The following PDE1C variants were observed in gnomAD, a reference collection of about 807,000 sequenced individuals.
PDE1C encodes phosphodiesterase 1C.
In PDE1C, 62 loss-of-function variants were observed where a neutral mutation model predicts 93.1. The observed-to-expected ratio is 0.67, with a 90% CI of 0.54 to 0.82. PDE1C has a LOEUF of 0.82. Ranked by LOEUF, PDE1C falls within the 40% of genes least tolerant of loss-of-function variation. PDE1C has a pLI of 0.00. For synonymous variants in PDE1C, 325 were observed against 310.1 expected (o/e 1.05, Z -0.50); for missense variants, 742 against 884.6 (o/e 0.84, Z 2.04).
intron 1 of PDE1C, among the ~76,000 whole-genome samples, chr7:32,264,776 A>C (rs985359104): frequency 6.6e-6 from 1 of 152,138 alleles, no homozygotes; most frequent in Non-Finnish European, 1.5e-5. Flanking sequence ...ATGCCTCCAC[A>C]TTGTCTGAGC....
chr7:32,298,015 TCC>T (rs1562660311), intron 1 of PDE1C, among the ~76,000 whole-genome samples: 1,655 of 26,804 alleles, frequency 0.062, 196 homozygotes, highest in East Asian at 0.14. Flanking sequence ...TCTCTCTCTC[TCC>T]CTCTCTCTCT....
intron 3 of PDE1C, among the ~76,000 whole-genome samples, chr7:32,144,107 G>A (rs1198977864): frequency 6.6e-6 from 1 of 152,146 alleles, no homozygotes; most frequent in Non-Finnish European, 1.5e-5. Flanking sequence ...TAGTGTTTCA[G>A]ACTCTTGATT....
chr7:32,117,607 A>T (rs1208027135), intron 3 of PDE1C, among the ~76,000 whole-genome samples: 1 of 152,228 alleles, frequency 6.6e-6, no homozygotes, highest in Non-Finnish European at 1.5e-5. Flanking sequence ...ACATACACAT[A>T]TACACATGTG....
chr7:31,862,624 G>A (rs921256501), intron 7 of PDE1C, among the ~76,000 whole-genome samples: 1 of 152,094 alleles, frequency 6.6e-6, no homozygotes, highest in African/African-American at 2.4e-5. Context: ...TTTTATAAAG[G>A]CACTAATCCC....
chr7:32,217,075 G>A (rs1367933668), intron 1 of PDE1C, among the ~76,000 whole-genome samples: 2 of 152,190 alleles, frequency 1.3e-5, no homozygotes, highest in Non-Finnish European at 2.9e-5. Flanking sequence ...TCCAGTAGAG[G>A]GAGAAGCTAC....
At chr7:32,399,107 C>A (rs562521540) in intron 1 of PDE1C, among the ~76,000 whole-genome samples, 5 of 152,298 alleles carry the variant, frequency 3.3e-5, no homozygotes, top group Non-Finnish European at 5.9e-5. Flanking sequence ...TCACTATTAG[C>A]AAGCTACCAT....
At chr7:32,305,408 G>C (rs931255840) in intron 1 of PDE1C, among the ~76,000 whole-genome samples, 15 of 152,062 alleles carry the variant, frequency 9.9e-5, no homozygotes, top group Non-Finnish European at 4.4e-5. Flanking sequence ...CCTCTTTCCT[G>C]AGCAATCCTC....
At chr7:31,909,671 A>C (rs1419514474) in intron 2 of PDE1C, among the ~76,000 whole-genome samples, 1 of 152,176 alleles carries the variant, frequency 6.6e-6, no homozygotes, top group Non-Finnish European at 1.5e-5. Flanking sequence ...GGTAGTTCAT[A>C]AAATGAAGGT....
chr7:32,084,193 G>T (rs1796907165), intron 3 of PDE1C, among the ~76,000 whole-genome samples: 2 of 151,948 alleles, frequency 1.3e-5, no homozygotes, highest in South Asian at 2.1e-4. Context: ...AAAGGCAGGG[G>T]TTGCAATCCT....
At chr7:32,217,328 G>A (rs1806509075) in intron 1 of PDE1C, among the ~76,000 whole-genome samples, 1 of 152,172 alleles carries the variant, frequency 6.6e-6, no homozygotes. Context: ...AACAGACCAA[G>A]GCAAAGCAGT....
intron 9 of PDE1C, among the ~76,000 whole-genome samples, chr7:31,847,038 A>G (rs1286445170): frequency 6.6e-6 from 1 of 152,162 alleles, no homozygotes; most frequent in Admixed American, 6.6e-5. Context: ...TATGAGGACT[A>G]TTTGAGTCAC....
At chr7:32,127,414 A>G (rs1402953575) in intron 3 of PDE1C, among the ~76,000 whole-genome samples, 2 of 152,146 alleles carry the variant, frequency 1.3e-5, no homozygotes, top group African/African-American at 4.8e-5. Context: ...AATAACTGAA[A>G]GAGTACTTTA....
intron 1 of PDE1C, among the ~76,000 whole-genome samples, chr7:32,414,699 C>G (rs554546057): frequency 4.6e-5 from 7 of 152,220 alleles, no homozygotes; most frequent in South Asian, 2.1e-4. Context: ...AAACAGTTAT[C>G]GGTGCTTCCC....
chr7:31,658,441 G>A, the PDE1C span: 9 of 1,414,340 alleles, frequency 6.4e-6, no homozygotes, highest in Middle Eastern at 2.5e-4. Context: ...TATAACACAT[G>A]TCGAACAAAA....
intron 3 of PDE1C, among the ~76,000 whole-genome samples, chr7:32,146,214 C>T (rs976510347): frequency 2.0e-5 from 3 of 152,198 alleles, no homozygotes; most frequent in Non-Finnish European, 2.9e-5. Context: ...AACACCCCAC[C>T]TAATGTGCTA....
At chr7:32,307,083 A>C (rs60931903) in intron 1 of PDE1C, among the ~76,000 whole-genome samples, 11,569 of 152,332 alleles carry the variant, frequency 0.076, 512 homozygotes, top group East Asian at 0.13. Flanking sequence ...CAAGAAAAAC[A>C]GCACTTAGTC....
intron 2 of PDE1C, among the ~76,000 whole-genome samples, chr7:32,187,726 G>A (rs1310828542): frequency 6.8e-6 from 1 of 147,780 alleles, no homozygotes; most frequent in African/African-American, 2.7e-5. Flanking sequence ...TTGAAGTGAA[G>A]ACAAACATAA....
At chr7:32,035,847 G>A (rs1438710026) in intron 2 of PDE1C, among the ~76,000 whole-genome samples, 1 of 152,168 alleles carries the variant, frequency 6.6e-6, no homozygotes, top group South Asian at 2.1e-4. Flanking sequence ...GATGCCAGCT[G>A]CTGCTGAGAA....
intron 3 of PDE1C, among the ~76,000 whole-genome samples, chr7:32,126,852 C>A (rs1230766242): frequency 6.6e-6 from 1 of 151,980 alleles, no homozygotes; most frequent in Non-Finnish European, 1.5e-5. Context: ...GTAGAATGAA[C>A]CTTGAAGATA....
Sources: allele counts gnomAD v4.1 joint callset (sites outside exome capture counted in the v4.1 genomes callset), GRCh38; gene constraint gnomAD v4.1.1; transcripts MANE v1.5; gene names NCBI Gene and HGNC (gene_info 2026-07-23, HGNC 2026-07-21).